The following M1AP variants were observed in gnomAD, a reference collection of about 807,000 sequenced individuals.
M1AP encodes meiosis 1 arrest protein.
M1AP carries 39 observed loss-of-function variants against 51.2 expected under a neutral mutation model. The ratio of observed to expected loss-of-function variants is 0.76; its 90% CI spans 0.59 to 1.00. The LOEUF is 1.00. Ranked by LOEUF, M1AP falls within the 50% of genes least tolerant of loss-of-function variation. M1AP has a pLI of 0.00. For synonymous variants in M1AP, 251 were observed against 249.2 expected (o/e 1.01, Z -0.07); for missense variants, 545 against 641.2 (o/e 0.85, Z 1.62).
At chr2:74,562,560 A>AGGGAC in intron 7 of M1AP, 137 bp from the exon 8 acceptor site, 1 of 802,780 alleles carries the variant, frequency 1.2e-6, no homozygotes, top group Non-Finnish European at 2.0e-6. Context: ...CCTGGTAGGG[A>AGGGAC]GGGACTTCCT....
At chr2:74,585,884 C>T (rs1157428060) in intron 4 of M1AP, among the ~76,000 whole-genome samples, 2 of 152,340 alleles carry the variant, frequency 1.3e-5, no homozygotes, top group East Asian at 3.9e-4. Context: ...CCCTCCATTA[C>T]TTATTATTAC....
At chr2:74,612,874 G>C (rs1483223344) in intron 3 of M1AP, among the ~76,000 whole-genome samples, 1 of 151,922 alleles carries the variant, frequency 6.6e-6, no homozygotes, top group African/African-American at 2.4e-5. Flanking sequence ...TGTTTCTTCT[G>C]TTTCTTTCTT....
intron 5 of M1AP, among the ~76,000 whole-genome samples, chr2:74,580,388 C>G (rs1207993627): frequency 2.0e-5 from 3 of 152,004 alleles, no homozygotes; most frequent in Non-Finnish European, 4.4e-5. Context: ...CAGCCTTGGA[C>G]AAAAGAGGTG....
chr2:74,578,439 G>T (rs1243248643), intron 5 of M1AP, among the ~76,000 whole-genome samples: 3 of 150,502 alleles, frequency 2.0e-5, no homozygotes, highest in Non-Finnish European at 4.4e-5. Context: ...CCCGGTGTAT[G>T]ATGTTCCCCA....
intron 4 of M1AP, among the ~76,000 whole-genome samples, chr2:74,597,554 T>C (rs1680416068): frequency 6.6e-6 from 1 of 152,246 alleles, no homozygotes; most frequent in African/African-American, 2.4e-5. Flanking sequence ...TGTTAACATT[T>C]GGTGTTTCCT....
chr2:74,628,354 G>C, intron 2 of M1AP: 1 of 374,084 alleles, frequency 2.7e-6, no homozygotes, highest in Non-Finnish European at 5.4e-6. Flanking sequence ...CCAGTGTTTC[G>C]TCTTAAAAAC....
intron 4 of M1AP, among the ~76,000 whole-genome samples, chr2:74,598,052 C>T (rs770870988): frequency 2.6e-5 from 4 of 152,270 alleles, no homozygotes; most frequent in Admixed American, 2.0e-4. Flanking sequence ...AATCTTGCCA[C>T]GTTGACTTTT....
Position 74,558,884 on chromosome 2 carries a change from G to A in M1AP, c.1435-10C>T. ...TCTGCAACTGCCCAGTCTGCAAAGA[G>A]AGCAACCAGAGCCTTCTCTGAAGAT... On this transcript the variant is annotated splice_polypyrimidine_tract_variant and intron_variant, in intron 10 of 10. Coordinates refer to ENST00000421985, the MANE Select transcript of M1AP (RefSeq NM_001321739.2). The A allele has an allele frequency of 4.4e-6, 7 of 1,574,576 alleles. No individual in the cohort carries two copies. The South Asian group carries it at 4.7e-5, about 11-fold the overall frequency.
intron 3 of M1AP, among the ~76,000 whole-genome samples, chr2:74,613,140 T>C (rs1299302198): frequency 2.0e-5 from 3 of 152,214 alleles, no homozygotes; most frequent in African/African-American, 7.2e-5. Flanking sequence ...TTATTTTTTC[T>C]TAGGATTTCC....
At chr2:74,594,139 AC>A (rs1464503565) in intron 4 of M1AP, among the ~76,000 whole-genome samples, 3 of 152,224 alleles carry the variant, frequency 2.0e-5, no homozygotes, top group Non-Finnish European at 4.4e-5. Context: ...TTTGAGTTTA[AC>A]AAAGTTAATT....
At chr2:74,615,446 C>T (rs1681610210) in intron 2 of M1AP, 1 of 313,816 alleles carries the variant, frequency 3.2e-6, no homozygotes, top group South Asian at 3.9e-5. Context: ...TGTGTGACTG[C>T]TTAGTTTTAC....
intron 2 of M1AP, among the ~76,000 whole-genome samples, chr2:74,621,889 C>T (rs1370228207): frequency 1.3e-5 from 2 of 150,524 alleles, no homozygotes; most frequent in Admixed American, 1.3e-4. Context: ...GGGTGGATCA[C>T]TTGAGGTCAG....
chr2:74,643,847 T>C (rs1573202966), intron 1 of M1AP, among the ~76,000 whole-genome samples: 1 of 152,230 alleles, frequency 6.6e-6, no homozygotes, highest in East Asian at 1.9e-4. Context: ...CCTCCCACCT[T>C]GGCCTCCCAA....
In M1AP at chr2:74,607,482, C is replaced by CT. The variant is rs541184338; in HGVS notation, c.427-260dup. On this transcript the variant is annotated intron_variant, in intron 3 of 10. Transcript: ENST00000421985. ...GGAGAAACCATATGTATGTTTTAGT[C>CT]TTTTTTTTTGAGACGGAGTCTTGCT... Among the ~76,000 whole-genome samples, 34 of 151,348 alleles carry CT rather than the reference C, an allele frequency of 2.2e-4. 1 individual carries two copies. The highest frequency in any genetic ancestry group is 3.4e-3 in the Middle Eastern group (1 of 292).
chr2:74,565,661 T>C (rs950225668), intron 7 of M1AP, among the ~76,000 whole-genome samples: 1 of 151,946 alleles, frequency 6.6e-6, no homozygotes, highest in Non-Finnish European at 1.5e-5. Context: ...ACCCCATCTC[T>C]ACTAAAAAAA....
chr2:74,579,799 A>T (rs1380389443), intron 5 of M1AP, among the ~76,000 whole-genome samples: 1 of 152,030 alleles, frequency 6.6e-6, no homozygotes, highest in Non-Finnish European at 1.5e-5. Flanking sequence ...TTAAAAAAAA[A>T]TCTTTATTAT....
chr2:74,567,101 T>A (rs930569237), intron 7 of M1AP, among the ~76,000 whole-genome samples: 1 of 152,254 alleles, frequency 6.6e-6, no homozygotes, highest in African/African-American at 2.4e-5. Flanking sequence ...AATGGATAGA[T>A]TGATCTCATA....
intron 7 of M1AP, among the ~76,000 whole-genome samples, chr2:74,572,557 G>A (rs1678812982): frequency 6.6e-6 from 1 of 152,206 alleles, no homozygotes; most frequent in Non-Finnish European, 1.5e-5. Context: ...CTGGGCACAA[G>A]TGATCCTTCT....
At position 74,590,049 on chromosome 2, in the gene M1AP, G is replaced by A. The variant is rs369258163; in HGVS notation, c.596-8202C>T. Among the ~76,000 whole-genome samples the A allele has an allele frequency of 1.3e-3, 192 of 152,340 alleles. 2 individuals carry two copies. The highest frequency in any genetic ancestry group is 4.5e-3 in the African/African-American group (185 of 41,570). ...AGCCGTCCTGGGCTGCATGCAGCCT[G>A]CGGGAAGCAGGTTGGACAAACTTGA... On this transcript the variant is annotated intron_variant, in intron 4 of 10. Transcript: ENST00000421985.
Sources: gnomAD v4.1 joint callset for allele counts (sites outside exome capture counted in the v4.1 genomes callset) on GRCh38, gnomAD v4.1.1 for gene constraint, MANE v1.5 for transcripts, NCBI Gene and HGNC (gene_info 2026-07-23, HGNC 2026-07-21) for gene names.